The following ARNT2 variants were observed in gnomAD, a reference collection of about 807,000 sequenced individuals.
ARNT2 encodes ARNT protein 2.
ARNT2 carries 36 observed loss-of-function variants against 91.7 expected under a neutral mutation model. The observed-to-expected ratio is 0.39, with a 90% CI of 0.30 to 0.52. ARNT2 has a LOEUF of 0.52. ARNT2 is among the 20% of genes least tolerant of loss of function. The pLI is 0.72. For missense variants in ARNT2, 775 were observed against 939.3 expected (o/e 0.83, Z 2.29); for synonymous variants, 365 against 347.1 (o/e 1.05, Z -0.57).
intron 12 of ARNT2, among the ~76,000 whole-genome samples, chr15:80,568,393 T>G (rs945215853): frequency 6.6e-6 from 1 of 152,226 alleles, no homozygotes; most frequent in Non-Finnish European, 1.5e-5. Flanking sequence ...TGTCACAGCA[T>G]TGTTCCAACG....
intron 8 of ARNT2, among the ~76,000 whole-genome samples, chr15:80,520,474 G>C (rs745412566): frequency 6.6e-6 from 1 of 152,106 alleles, no homozygotes; most frequent in African/African-American, 2.4e-5. Flanking sequence ...GAGATTTGCT[G>C]TACAATATAG....
intron 1 of ARNT2, among the ~76,000 whole-genome samples, chr15:80,424,424 A>G (rs769434180): frequency 4.6e-5 from 7 of 152,204 alleles, no homozygotes; most frequent in Non-Finnish European, 7.3e-5. Context: ...TTTATTGGGA[A>G]GATGTCCTCA....
chr15:80,586,635 G>T (rs1319034272), intron 17 of ARNT2, among the ~76,000 whole-genome samples: 1 of 152,112 alleles, frequency 6.6e-6, no homozygotes, highest in Non-Finnish European at 1.5e-5. Context: ...GGAGGCCGAG[G>T]TGGGTTGATC....
At chr15:80,415,335 G>A (rs1021292541) in intron 1 of ARNT2, among the ~76,000 whole-genome samples, 1 of 152,230 alleles carries the variant, frequency 6.6e-6, no homozygotes, top group Non-Finnish European at 1.5e-5. Flanking sequence ...TTAATTGAAT[G>A]CCAACCGTGT....
At chr15:80,586,037 AG>A (rs1898890870) in intron 17 of ARNT2, among the ~76,000 whole-genome samples, 1 of 152,216 alleles carries the variant, frequency 6.6e-6, no homozygotes, top group African/African-American at 2.4e-5. Flanking sequence ...ATAACTGGCA[AG>A]AATGTATATG....
intron 8 of ARNT2, among the ~76,000 whole-genome samples, chr15:80,529,977 G>A (rs1897709484): frequency 6.6e-6 from 1 of 152,182 alleles, no homozygotes; most frequent in Non-Finnish European, 1.5e-5. Flanking sequence ...ACACTGAGTA[G>A]TTGAATTTAG....
chr15:80,520,560 A>G (rs181850183), intron 8 of ARNT2, among the ~76,000 whole-genome samples: 1,916 of 146,824 alleles, frequency 0.013, 25 homozygotes, highest in African/African-American at 0.05. Flanking sequence ...TCTTACCACA[A>G]AAAAAAATAA....
chr15:80,431,156 A>G (rs1837024972), intron 1 of ARNT2, among the ~76,000 whole-genome samples: 1 of 152,120 alleles, frequency 6.6e-6, no homozygotes, highest in Non-Finnish European at 1.5e-5. Flanking sequence ...GACAAAAACA[A>G]AACCAGAATC....
intron 12 of ARNT2, 37 bp from the exon 13 acceptor site, chr15:80,574,111 G>A (rs375006313): frequency 3.8e-6 from 6 of 1,599,764 alleles, no homozygotes; most frequent in Non-Finnish European, 5.1e-6. Context: ...CACCCCTTCT[G>A]TTCTTCATGA....
At chr15:80,426,959 A>G (rs1011963550) in intron 1 of ARNT2, among the ~76,000 whole-genome samples, 2 of 152,166 alleles carry the variant, frequency 1.3e-5, no homozygotes, top group African/African-American at 4.8e-5. Context: ...TCTTCTTTTC[A>G]TCCTATCATG....
intron 11 of ARNT2, among the ~76,000 whole-genome samples, chr15:80,559,757 C>T (rs916486039): frequency 1.2e-4 from 19 of 152,192 alleles, no homozygotes; most frequent in African/African-American, 4.6e-4. Flanking sequence ...TCTCCCCCGT[C>T]TCCTCTCCAC....
At chr15:80,533,790 C>CTTA (rs1296020564) in intron 8 of ARNT2, among the ~76,000 whole-genome samples, 1 of 152,250 alleles carries the variant, frequency 6.6e-6, no homozygotes, top group Non-Finnish European at 1.5e-5. Flanking sequence ...ATGAAGCTAA[C>CTTA]TCAGAAGCAC....
intron 5 of ARNT2, among the ~76,000 whole-genome samples, chr15:80,492,688 G>A (rs1411764601): frequency 6.6e-6 from 1 of 152,070 alleles, no homozygotes; most frequent in African/African-American, 2.4e-5. Context: ...TGTTTTGTGT[G>A]TGTGTTTGTG....
chr15:80,505,517 G>T (rs1897261498), intron 5 of ARNT2, among the ~76,000 whole-genome samples: 1 of 152,202 alleles, frequency 6.6e-6, no homozygotes, highest in Non-Finnish European at 1.5e-5. Flanking sequence ...AAGCATAATT[G>T]TAGTCACTTT....
At chr15:80,484,786 G>A (rs61459715) in intron 5 of ARNT2, among the ~76,000 whole-genome samples, 7,158 of 152,272 alleles carry the variant, frequency 0.047, 308 homozygotes, top group East Asian at 0.14. Context: ...TCCACCAGCC[G>A]TGTGTGCTGA....
chr15:80,501,915 G>A (rs1261762147), intron 5 of ARNT2, among the ~76,000 whole-genome samples: 2 of 152,196 alleles, frequency 1.3e-5, no homozygotes, highest in Non-Finnish European at 2.9e-5. Context: ...TTGAAATAGC[G>A]TAATTACTAA....
At chr15:80,448,090 C>G (rs1012766245) in intron 1 of ARNT2, among the ~76,000 whole-genome samples, 1 of 151,990 alleles carries the variant, frequency 6.6e-6, no homozygotes, top group Non-Finnish European at 1.5e-5. Context: ...TTCCCAAGCA[C>G]TATGTTAGGC....
At chr15:80,537,964 G>C (rs1320518475) in intron 8 of ARNT2, among the ~76,000 whole-genome samples, 1 of 152,174 alleles carries the variant, frequency 6.6e-6, no homozygotes, top group African/African-American at 2.4e-5. Context: ...TTATAAAAGG[G>C]GGAATTTGGA....
chr15:80,550,025 G>T (rs111248336), intron 8 of ARNT2, among the ~76,000 whole-genome samples: 2 of 152,170 alleles, frequency 1.3e-5, no homozygotes, highest in South Asian at 2.1e-4. Flanking sequence ...AAAAAGAATT[G>T]AGGAAGAGCT....
Sources: allele counts gnomAD v4.1 joint callset (sites outside exome capture counted in the v4.1 genomes callset), GRCh38; gene constraint gnomAD v4.1.1; transcripts MANE v1.5; gene names NCBI Gene and HGNC (gene_info 2026-07-23, HGNC 2026-07-21).